Variants in STXBP5L observed in about 807,000 individuals in gnomAD.
The protein encoded by STXBP5L is syntaxin-binding protein 5-like.
STXBP5L carries 65 observed loss-of-function variants against 144.5 expected under a neutral mutation model. The ratio of observed to expected loss-of-function variants is 0.45; its 90% CI spans 0.37 to 0.55. The LOEUF is 0.55. Among genes scored for constraint, STXBP5L ranks in the 20% least tolerant of loss-of-function variants. STXBP5L has a pLI of 0.00. For synonymous variants in STXBP5L, 505 were observed against 469.6 expected (o/e 1.08, Z -0.97); for missense variants, 1,298 against 1,405.5 (o/e 0.92, Z 1.22).
intron 2 of STXBP5L, among the ~76,000 whole-genome samples, chr3:120,942,861 CAT>C (rs1344872159): frequency 5.3e-5 from 8 of 151,462 alleles, no homozygotes; most frequent in East Asian, 1.9e-4. Flanking sequence ...TGTTGTTTAG[CAT>C]ATGTTTGTTA....
At chr3:121,190,288 GT>G (rs2047589852) in intron 9 of STXBP5L, among the ~76,000 whole-genome samples, 1 of 152,168 alleles carries the variant, frequency 6.6e-6, no homozygotes, top group African/African-American at 2.4e-5. Context: ...TCAAGCATCT[GT>G]TTAACAAAGC....
At chr3:120,934,970 A>G (rs181169914) in intron 2 of STXBP5L, among the ~76,000 whole-genome samples, 53 of 151,780 alleles carry the variant, frequency 3.5e-4, no homozygotes, top group African/African-American at 1.2e-3. Flanking sequence ...CTTTTAATTG[A>G]TATATTTAAT....
intron 5 of STXBP5L, among the ~76,000 whole-genome samples, chr3:121,061,515 C>T (rs1228611736): frequency 6.6e-6 from 1 of 152,122 alleles, no homozygotes; most frequent in Non-Finnish European, 1.5e-5. Context: ...GATATCAAGT[C>T]CTGAACATCC....
intron 3 of STXBP5L, among the ~76,000 whole-genome samples, chr3:120,968,174 A>T (rs531227697): frequency 1.3e-5 from 2 of 152,242 alleles, no homozygotes; most frequent in Non-Finnish European, 2.9e-5. Context: ...TGTTCAGATG[A>T]TCTGTCTAAT....
chr3:120,911,349 C>T (rs746726126), intron 2 of STXBP5L, among the ~76,000 whole-genome samples: 1 of 152,038 alleles, frequency 6.6e-6, no homozygotes, highest in African/African-American at 2.4e-5. Context: ...ATACATACTA[C>T]TTTAAAAACA....
intron 7 of STXBP5L, among the ~76,000 whole-genome samples, chr3:121,137,105 T>C (rs556381713): frequency 1.1e-4 from 17 of 152,192 alleles, no homozygotes; most frequent in African/African-American, 3.6e-4. Flanking sequence ...AGGGTGAGGA[T>C]TGAAAAACTA....
chr3:121,306,592 G>A (rs924632273), intron 19 of STXBP5L, among the ~76,000 whole-genome samples: 5 of 152,108 alleles, frequency 3.3e-5, no homozygotes, highest in Non-Finnish European at 7.4e-5. Context: ...CCTCCCCAAA[G>A]TGACTAGCCT....
Position 121,355,803 on chromosome 3 carries a change from G to C in STXBP5L, c.2177-22913G>C, listed in dbSNP as rs570807295. 6.6e-5 allele frequency among the ~76,000 whole-genome samples: 10 copies of C among 152,300 alleles called. No individual in the cohort carries two copies. The East Asian group carries it at 1.9e-3, about 29-fold the overall frequency. On this transcript the variant is annotated intron_variant, in intron 20 of 26. Coordinates refer to ENST00000471454, the MANE Select transcript of STXBP5L (RefSeq NM_001308330.2). ...TCGAATTTTCAGCTTTTCTGCTCTG[G>C]TTTCTCTTCATCTATGTGGTCTTAT... is the stretch of plus-strand genomic sequence containing the variant.
chr3:121,048,608 G>C (rs750174775), intron 5 of STXBP5L, among the ~76,000 whole-genome samples: 2 of 151,624 alleles, frequency 1.3e-5, no homozygotes, highest in Non-Finnish European at 2.9e-5. Context: ...CCTGAACTTG[G>C]TCTATTCTTC....
intron 20 of STXBP5L, among the ~76,000 whole-genome samples, chr3:121,372,534 G>A (rs1046247157): frequency 7.2e-5 from 11 of 152,176 alleles, no homozygotes; most frequent in Admixed American, 5.2e-4. Flanking sequence ...GGCCCATGGC[G>A]ATAGCAGGTT....
At chr3:121,414,571 G>C (rs982871276) in intron 24 of STXBP5L, among the ~76,000 whole-genome samples, 7 of 152,154 alleles carry the variant, frequency 4.6e-5, no homozygotes, top group African/African-American at 1.7e-4. Flanking sequence ...CTTCCAAATG[G>C]TAAACAGGAG....
chr3:120,938,162 T>A (rs1710365648), intron 2 of STXBP5L, among the ~76,000 whole-genome samples: 12 of 152,154 alleles, frequency 7.9e-5, no homozygotes, highest in Non-Finnish European at 4.4e-5. Context: ...TGTTTATGAT[T>A]ACATGTAAAA....
intron 3 of STXBP5L, among the ~76,000 whole-genome samples, chr3:120,983,721 C>G (rs1189927036): frequency 1.3e-5 from 2 of 152,110 alleles, no homozygotes. Flanking sequence ...CTCACCTTTT[C>G]CCCACATCAG....
chr3:121,004,922 G>A (rs1944141631), intron 3 of STXBP5L, among the ~76,000 whole-genome samples: 1 of 152,198 alleles, frequency 6.6e-6, no homozygotes. Flanking sequence ...TGGTGGATAA[G>A]CTTTTTGATG....
intron 22 of STXBP5L, among the ~76,000 whole-genome samples, chr3:121,390,863 C>T (rs992073177): frequency 1.5e-4 from 23 of 151,896 alleles, no homozygotes; most frequent in African/African-American, 3.6e-4. Flanking sequence ...TTATGTGTCT[C>T]GGGGTTGCTC....
chr3:121,044,486 A>C (rs1416776199), intron 4 of STXBP5L, among the ~76,000 whole-genome samples: 1 of 152,186 alleles, frequency 6.6e-6, no homozygotes, highest in Non-Finnish European at 1.5e-5. Context: ...ATGAGAGATT[A>C]CTTCTAACAA....
In STXBP5L at chr3:121,089,891, A is replaced by G. The variant is rs2042693681; in HGVS notation, c.471-25034A>G. 4.6e-5 allele frequency among the ~76,000 whole-genome samples: 7 copies of G among 151,954 alleles called. No homozygotes were observed. The South Asian group carries it at 1.5e-3, about 32-fold the overall frequency. On this transcript the variant is annotated intron_variant, in intron 5 of 26. Transcript: ENST00000471454. ...ATCCACAGAATTTTAAATTTTCTTC[A>G]TTATATTTTAAGTAGTAAAATTTGT...
At chr3:121,240,374 A>G in intron 13 of STXBP5L, 66 bp from the exon 14 acceptor site, 2 of 1,427,814 alleles carry the variant, frequency 1.4e-6, no homozygotes, top group East Asian at 4.7e-5. Flanking sequence ...ATTTTAAGCT[A>G]TTTTCATTTT....
At chr3:121,083,767 T>C (rs993903380) in intron 5 of STXBP5L, among the ~76,000 whole-genome samples, 1 of 152,204 alleles carries the variant, frequency 6.6e-6, no homozygotes. Flanking sequence ...TTGGAAATTA[T>C]AAATTCAATT....
Sources: gnomAD v4.1 joint callset for allele counts (sites outside exome capture counted in the v4.1 genomes callset) on GRCh38, gnomAD v4.1.1 for gene constraint, MANE v1.5 for transcripts, NCBI Gene and HGNC (gene_info 2026-07-23, HGNC 2026-07-21) for gene names.